PDE8A: variants seen among roughly 807,000 people sequenced by gnomAD.
The protein encoded by PDE8A is phosphodiesterase 8A.
A neutral mutation model predicts 105.0 loss-of-function variants in PDE8A; 59 were observed. The ratio of observed to expected loss-of-function variants is 0.56; its 90% CI spans 0.46 to 0.70. PDE8A has a LOEUF of 0.70. PDE8A is among the 30% of genes least tolerant of loss of function. The probability of loss-of-function intolerance (pLI) is 0.00; values close to 1 mark genes in which losing one functional copy is unlikely to be tolerated. For synonymous variants in PDE8A, 355 were observed against 371.9 expected (o/e 0.95, Z 0.52); for missense variants, 1,014 against 1,045.9 (o/e 0.97, Z 0.42).
At chr15:85,027,856 G>A (rs1436279600) in intron 1 of PDE8A, among the ~76,000 whole-genome samples, 1 of 151,950 alleles carries the variant, frequency 6.6e-6, no homozygotes, top group African/African-American at 2.4e-5. Context: ...TTTCTGATAT[G>A]TATACATTTT....
chr15:84,991,171 G>A (rs774311716), intron 1 of PDE8A, among the ~76,000 whole-genome samples: 79 of 152,270 alleles, frequency 5.2e-4, no homozygotes, highest in Non-Finnish European at 8.7e-4. Context: ...ATTCAACTAC[G>A]TTAAAATAAA....
intron 1 of PDE8A, among the ~76,000 whole-genome samples, chr15:85,029,570 T>C (rs980638231): frequency 2.0e-5 from 3 of 152,158 alleles, no homozygotes; most frequent in Admixed American, 6.5e-5. Context: ...ACATTTTACT[T>C]CTATTTATTT....
chr15:85,046,428 T>A (rs1567247578), intron 1 of PDE8A, among the ~76,000 whole-genome samples: 1 of 152,208 alleles, frequency 6.6e-6, no homozygotes, highest in South Asian at 2.1e-4. Context: ...ATACATATAT[T>A]TATGTAATAA....
rs761082384 is a variant in PDE8A at position 85,121,874 on chromosome 15, C to T, written c.1952+860C>T. On this transcript the variant is annotated intron_variant, in intron 18 of 21. Coordinates refer to ENST00000394553, the MANE Select transcript of PDE8A (RefSeq NM_002605.3). ...GACATTTTATGTAAATGGAATCATA[C>T]ACAATATGTGATCTTTTGTAACTAG... Among the ~76,000 whole-genome samples, 4 of 152,190 alleles carry T rather than the reference C, an allele frequency of 2.6e-5. No homozygotes were observed. In the East Asian group the frequency reaches 7.7e-4, roughly 29 times the overall value.
intron 1 of PDE8A, among the ~76,000 whole-genome samples, chr15:85,028,420 G>T (rs1320422388): frequency 6.6e-6 from 1 of 152,014 alleles, no homozygotes; most frequent in African/African-American, 2.4e-5. Context: ...TTGCTTTGTT[G>T]CCCAGGCTGG....
intron 5 of PDE8A, among the ~76,000 whole-genome samples, chr15:85,081,319 A>G (rs567324316): frequency 6.6e-6 from 1 of 152,204 alleles, no homozygotes; most frequent in Non-Finnish European, 1.5e-5. Context: ...TGCTGGGTGC[A>G]CATTAGAATC....
At chr15:85,056,491 G>T (rs1167381001) in intron 1 of PDE8A, among the ~76,000 whole-genome samples, 1 of 151,982 alleles carries the variant, frequency 6.6e-6, no homozygotes, top group Non-Finnish European at 1.5e-5. Context: ...CACATTTCTT[G>T]GAGGCTTTGT....
intron 1 of PDE8A, among the ~76,000 whole-genome samples, chr15:85,046,111 A>G (rs1004267100): frequency 7.1e-6 from 1 of 141,526 alleles, no homozygotes; most frequent in Non-Finnish European, 1.5e-5. Context: ...CCTGTCACCC[A>G]GGCTGGAGTA....
intron 6 of PDE8A, among the ~76,000 whole-genome samples, chr15:85,086,881 G>C (rs1850285542): frequency 6.6e-6 from 1 of 151,960 alleles, no homozygotes; most frequent in South Asian, 2.1e-4. Flanking sequence ...CTCCCAAGTA[G>C]CTGGTATTAC....
intron 1 of PDE8A, among the ~76,000 whole-genome samples, chr15:85,048,282 G>C (rs961976347): frequency 6.6e-6 from 1 of 151,786 alleles, no homozygotes; most frequent in Non-Finnish European, 1.5e-5. Context: ...TATATTTTAA[G>C]GGTTTTTTTC....
At position 85,122,045 on chromosome 15, in the gene PDE8A, C is replaced by T. The variant is rs544463059; in HGVS notation, c.1953-1016C>T. On this transcript the variant is annotated intron_variant, in intron 18 of 21. Transcript: ENST00000394553. The stretch of plus-strand genomic sequence containing the variant: ...TCTCCCTGAAGCACTCCACTCTGCC[C>T]TCCTGTGCTCAGCATACATCTCCTT... 3.9e-5 allele frequency among the ~76,000 whole-genome samples: 6 copies of T among 152,312 alleles called. No homozygotes were observed. In the East Asian group the frequency reaches 1.2e-3, roughly 29 times the overall value.
chr15:84,995,962 C>T (rs1056332985), intron 1 of PDE8A, among the ~76,000 whole-genome samples: 2 of 152,074 alleles, frequency 1.3e-5, no homozygotes, highest in Non-Finnish European at 2.9e-5. Context: ...TTATTTGTTA[C>T]TCTTTATTTC....
intron 1 of PDE8A, among the ~76,000 whole-genome samples, chr15:85,054,734 G>C (rs1001252194): frequency 6.6e-6 from 1 of 152,010 alleles, no homozygotes; most frequent in Non-Finnish European, 1.5e-5. Flanking sequence ...GCGGTCTGTC[G>C]ATTTTGTTGA....
intron 7 of PDE8A, among the ~76,000 whole-genome samples, chr15:85,090,119 G>A (rs1006788661): frequency 1.3e-5 from 2 of 152,150 alleles, no homozygotes; most frequent in Non-Finnish European, 2.9e-5. Flanking sequence ...ACTTTGAGTT[G>A]GTGCCCTGAG....
chr15:85,115,806 A>AG, intron 15 of PDE8A, 178 bp from the exon 16 acceptor site: 5 of 588,762 alleles, frequency 8.5e-6, no homozygotes, highest in Non-Finnish European at 1.5e-5. Flanking sequence ...CTGTAATCCC[A>AG]CTACTCAGGA....
chr15:85,018,155 G>C (rs1342408660), intron 1 of PDE8A, among the ~76,000 whole-genome samples: 1 of 152,186 alleles, frequency 6.6e-6, no homozygotes, highest in Non-Finnish European at 1.5e-5. Flanking sequence ...CAGCTCTTCA[G>C]AGAAGTAGTT....
At chr15:85,006,421 A>G (rs1307425967) in intron 1 of PDE8A, among the ~76,000 whole-genome samples, 1 of 152,218 alleles carries the variant, frequency 6.6e-6, no homozygotes, top group African/African-American at 2.4e-5. Flanking sequence ...GCTAAAGTAC[A>G]TGGTCCAGGC....
At chr15:85,087,082 A>C (rs1471097723) in intron 6 of PDE8A, among the ~76,000 whole-genome samples, 1 of 150,570 alleles carries the variant, frequency 6.6e-6, no homozygotes, top group African/African-American at 2.4e-5. Context: ...TTGAGCTATA[A>C]ATTTACATAT....
intron 1 of PDE8A, among the ~76,000 whole-genome samples, chr15:85,014,811 G>A (rs2141340237): frequency 6.6e-6 from 1 of 152,184 alleles, no homozygotes; most frequent in East Asian, 1.9e-4. Flanking sequence ...TTATAAAGTA[G>A]ACAATTCATT....
Sources: allele counts gnomAD v4.1 joint callset (sites outside exome capture counted in the v4.1 genomes callset), GRCh38; gene constraint gnomAD v4.1.1; transcripts MANE v1.5; gene names NCBI Gene and HGNC (gene_info 2026-07-23, HGNC 2026-07-21).